The following MYT1 variants were observed in gnomAD, a reference collection of about 807,000 sequenced individuals.
MYT1 encodes the protein myelin transcription factor I.
In MYT1, 23 loss-of-function variants were observed where a neutral mutation model predicts 123.0. The observed-to-expected ratio is 0.19, with a 90% confidence interval of 0.13 to 0.26. The LOEUF is 0.26. Among genes scored for constraint, MYT1 ranks in the 10% least tolerant of loss-of-function variants. The pLI is 1.00. For missense variants in MYT1, 1,125 were observed against 1,472.5 expected (o/e 0.76, Z 3.86); for synonymous variants, 518 against 575.3 (o/e 0.90, Z 1.43).
At position 64,192,252 on chromosome 20, in the gene MYT1, G is replaced by A. The variant is rs1037962935; in HGVS notation, c.-1+2092G>A. On this transcript the variant is annotated intron_variant, in intron 2 of 22. Transcript: ENST00000328439. The surrounding 1 kb of genome is among the most constrained non-coding windows in gnomAD (Gnocchi z 5.3). ...CCCTTCTTTTCTTGCAGATAGGGCCGAGTGACTGCTCTGAATAGAGAAGCT... is the reference window on the plus strand; with the variant it reads ...CCCTTCTTTTCTTGCAGATAGGGCCAAGTGACTGCTCTGAATAGAGAAGCT... Among the ~76,000 whole-genome samples the A allele has an allele frequency of 5.9e-5, 9 of 152,180 alleles. No individual in the cohort carries two copies. The highest frequency in any genetic ancestry group is 1.9e-4 in the East Asian group (1 of 5,192).
chr20:64,203,552 T>TTCCCTCCTCCCTCCCTCCTTCCCTCC lies in MYT1; in HGVS notation c.87-1482_87-1457dup. Among the ~76,000 whole-genome samples the TTCCCTCCTCCCTCCCTCCTTCCCTCC allele has an allele frequency of 6.6e-6, 1 of 151,974 alleles. No individual in the cohort carries two copies. The highest frequency in any genetic ancestry group is 1.5e-5 in the Non-Finnish European group (1 of 67,980). On this transcript the variant is annotated intron_variant, in intron 4 of 22. Transcript: ENST00000328439. The surrounding 1 kb of genome is among the most constrained non-coding windows in gnomAD (Gnocchi z 5.1). ...CCTCCCTTCCCGTCTGGGTTCCCTCTTCCCTCCTCCCTCCCTCCTTCCCTC... is the reference window on the plus strand; with the variant it reads ...CCTCCCTTCCCGTCTGGGTTCCCTCTTCCCTCCTCCCTCCCTCCTTCCCTCCTCCCTCCTCCCTCCCTCCTTCCCTC...
chr20:64,218,820 CT>C lies in MYT1; in HGVS notation c.1847-86del, dbSNP rs997310474. 1.9e-6 allele frequency: 3 copies of C among 1,582,474 alleles called. No homozygotes were observed. Among genetic ancestry groups the C allele is most frequent in the African/African-American group, 1.3e-5 (1 of 74,602 alleles). ...TTGTATATCAGCCTGGTGTTGTTCC[CT>C]TTTTGCAGCCAAACCTTTCCCAAAG... On this transcript the variant is annotated intron_variant, in intron 11 of 22. Coordinates refer to ENST00000328439, the MANE Select transcript of MYT1 (RefSeq NM_004535.3). The surrounding 1 kb of genome is among the most constrained non-coding windows in gnomAD (Gnocchi z 4.0).
rs901474369 is a variant in MYT1 at position 64,205,518 on chromosome 20, C to T, written c.150-35C>T. ...TGTCTGAGGCCTCTCGTGGCCCTAGCCTGGTCCTCTCCACTGCCTACTCCT... is the reference window on the plus strand; with the variant it reads ...TGTCTGAGGCCTCTCGTGGCCCTAGTCTGGTCCTCTCCACTGCCTACTCCT... On this transcript the variant is annotated intron_variant, in intron 5 of 22. Transcript: ENST00000328439. 8.7e-6 allele frequency: 14 copies of T among 1,609,408 alleles called. No homozygotes were observed. The Admixed American group carries it at 1.0e-4, about 12-fold the overall frequency.
intron 3 of MYT1, among the ~76,000 whole-genome samples, 153 bp from the exon 4 acceptor site, chr20:64,199,739 C>T (rs771040693): frequency 4.6e-5 from 7 of 152,136 alleles, no homozygotes; most frequent in Non-Finnish European, 1.0e-4. Context: ...AAAGGGTGAG[C>T]GCCCTGGGGA....
At chr20:64,219,160 T>A in intron 12 of MYT1, 125 bp downstream of exon 12, 1 of 1,315,180 alleles carries the variant, frequency 7.6e-7, no homozygotes, top group Non-Finnish European at 1.0e-6. Context: ...CAATTCTCAT[T>A]CTTAACTTTT....
intron 16 of MYT1, among the ~76,000 whole-genome samples, chr20:64,224,499 C>T (rs1433027685): frequency 1.3e-5 from 2 of 152,182 alleles, no homozygotes; most frequent in East Asian, 3.9e-4. Context: ...GTCATGAGGC[C>T]CTTCAGTTCC....
rs1982897986 is a variant in MYT1, at chr20:64,189,183, C to T, written c.-98-880C>T. 6.6e-6 allele frequency among the ~76,000 whole-genome samples: 1 copy of T among 152,196 alleles called. No homozygotes were observed. The highest frequency in any genetic ancestry group is 2.4e-5 in the African/African-American group (1 of 41,454). ...AAAGAAAGAAAGTGGGTGGGAATAG[C>T]GTGCCTTCGGCAGAATCCAAACTCA... On this transcript the variant is annotated intron_variant, in intron 1 of 22. Coordinates refer to ENST00000328439, the MANE Select transcript of MYT1 (RefSeq NM_004535.3). The surrounding 1 kb of genome is among the most constrained non-coding windows in gnomAD (Gnocchi z 5.5).
At position 64,189,184 on chromosome 20, in the gene MYT1, G is replaced by C. The variant is rs1051294318; in HGVS notation, c.-98-879G>C. Among the ~76,000 whole-genome samples the C allele has an allele frequency of 6.6e-6, 1 of 152,222 alleles. No homozygotes were observed. The highest frequency in any genetic ancestry group is 2.4e-5 in the African/African-American group (1 of 41,458). On this transcript the variant is annotated intron_variant, in intron 1 of 22. Transcript: ENST00000328439. This position sits in a 1 kb window ranked among gnomAD's most constrained non-coding sequence, Gnocchi z 5.5. ...AAGAAAGAAAGTGGGTGGGAATAGC[G>C]TGCCTTCGGCAGAATCCAAACTCAC...
chr20:64,232,404 C>G lies in MYT1; in HGVS notation c.2897+19C>G. 6.2e-7 allele frequency: 1 copy of G among 1,611,396 alleles called. No individual in the cohort carries two copies. The highest frequency in any genetic ancestry group is 8.5e-7 in the Non-Finnish European group (1 of 1,178,650). ...ACCGGAGGTAACTGTGCCTGCAGGTCCTGCCCCTCTGTGCAGTCAGTAGGG... is the reference window on the plus strand; with the variant it reads ...ACCGGAGGTAACTGTGCCTGCAGGTGCTGCCCCTCTGTGCAGTCAGTAGGG... On this transcript the variant is annotated intron_variant, in intron 19 of 22. Coordinates refer to ENST00000328439, the MANE Select transcript of MYT1 (RefSeq NM_004535.3). The surrounding 1 kb of genome is among the most constrained non-coding windows in gnomAD (Gnocchi z 6.9).
chr20:64,199,379 C>T (rs1177187986), intron 3 of MYT1, among the ~76,000 whole-genome samples: 1 of 152,180 alleles, frequency 6.6e-6, no homozygotes, highest in African/African-American at 2.4e-5. Context: ...CTCCCTGATA[C>T]GGGCGGGGGC....
At chr20:64,225,931 G>A (rs1984159094) in intron 16 of MYT1, among the ~76,000 whole-genome samples, 1 of 152,194 alleles carries the variant, frequency 6.6e-6, no homozygotes, top group African/African-American at 2.4e-5. Flanking sequence ...GATGCCATCG[G>A]GAAGTATCTC....
At chr20:64,204,228 C>A (rs1027081348) in intron 4 of MYT1, among the ~76,000 whole-genome samples, 1 of 152,230 alleles carries the variant, frequency 6.6e-6, no homozygotes, top group African/African-American at 2.4e-5. Flanking sequence ...AGTACTCATG[C>A]TCAGAAGTTT....
At position 64,185,411 on chromosome 20, in the gene MYT1, A is replaced by G. The variant is rs187757762; in HGVS notation, c.-98-4652A>G. Among the ~76,000 whole-genome samples the G allele has an allele frequency of 7.9e-5, 12 of 152,182 alleles. No individual in the cohort carries two copies. The East Asian group carries it at 2.3e-3, about 29-fold the overall frequency. Reference sequence around the variant, plus strand: ...CCTCTTTGCTGAGGGGCAGGTGGTAACAGCTCCTGGCCCCAAAGGCAGCCC... The same window carrying G: ...CCTCTTTGCTGAGGGGCAGGTGGTAGCAGCTCCTGGCCCCAAAGGCAGCCC... On this transcript the variant is annotated intron_variant, in intron 1 of 22. Coordinates refer to ENST00000328439, the MANE Select transcript of MYT1 (RefSeq NM_004535.3). The surrounding 1 kb of genome is among the most constrained non-coding windows in gnomAD (Gnocchi z 4.5).
chr20:64,204,165 C>G (rs920557086), intron 4 of MYT1, among the ~76,000 whole-genome samples: 1 of 152,206 alleles, frequency 6.6e-6, no homozygotes, highest in Non-Finnish European at 1.5e-5. Context: ...CCCCTTTGTG[C>G]CTGAGGCTGC....
intron 18 of MYT1, 36 bp downstream of exon 18, chr20:64,228,007 C>A (rs761077730): frequency 3.1e-6 from 5 of 1,587,392 alleles, no homozygotes; most frequent in Non-Finnish European, 4.3e-6. Context: ...CATTGCATTG[C>A]GGAATTGAGA....
intron 2 of MYT1, among the ~76,000 whole-genome samples, chr20:64,198,293 A>G (rs1983190229): frequency 1.4e-5 from 2 of 143,494 alleles, no homozygotes; most frequent in Non-Finnish European, 3.0e-5. Flanking sequence ...TCTCAAAAAA[A>G]AAAAAAAAAA....
intron 1 of MYT1, among the ~76,000 whole-genome samples, chr20:64,179,175 G>A (rs1011926567): frequency 3.3e-5 from 5 of 149,474 alleles, no homozygotes; most frequent in Non-Finnish European, 4.4e-5. Flanking sequence ...GCACTGAGCC[G>A]TTATTCGGTG....
chr20:64,175,374 TCTC>T (rs1277968796), intron 1 of MYT1, among the ~76,000 whole-genome samples: 23 of 34,478 alleles, frequency 6.7e-4, no homozygotes, highest in East Asian at 1.3e-3. Context: ...CTCCCTGGCT[TCTC>T]CTGCAGCATC....
At position 64,202,906 on chromosome 20, in the gene MYT1, C is replaced by T. The variant is rs992023910; in HGVS notation, c.87-2129C>T. Among the ~76,000 whole-genome samples, 1 of 152,220 alleles carries T rather than the reference C, an allele frequency of 6.6e-6. No individual in the cohort carries two copies. Among genetic ancestry groups the T allele is most frequent in the African/African-American group, 2.4e-5 (1 of 41,460 alleles). On this transcript the variant is annotated intron_variant, in intron 4 of 22. Transcript: ENST00000328439. The surrounding 1 kb of genome is among the most constrained non-coding windows in gnomAD (Gnocchi z 5.0). Reference sequence around the variant, plus strand: ...GAGTCCTGGAGCCCTGGCCGTCTTCCTCTCCCTACAACTCTGGCCCTGAGC... The same window carrying T: ...GAGTCCTGGAGCCCTGGCCGTCTTCTTCTCCCTACAACTCTGGCCCTGAGC...
Sources: gnomAD v4.1 joint callset for allele counts (sites outside exome capture counted in the v4.1 genomes callset) on GRCh38, gnomAD v4.1.1 for gene constraint, Gnocchi (gnomAD v3.1) non-coding constraint, MANE v1.5 for transcripts, NCBI Gene and HGNC (gene_info 2026-07-23, HGNC 2026-07-21) for gene names.